SAMD5: variants seen among roughly 807,000 people sequenced by gnomAD.
SAMD5 encodes sterile alpha motif domain containing 5.
SAMD5 carries 13 observed loss-of-function variants against 11.3 expected under a neutral mutation model. That is an observed-to-expected ratio of 1.15 (90% CI 0.75 to 1.83). The LOEUF is 1.83. Ranked by LOEUF, SAMD5 falls within the 40% of genes most tolerant of loss-of-function variation. The probability of loss-of-function intolerance (pLI) is 0.00; values close to 1 mark genes in which losing one functional copy is unlikely to be tolerated. For synonymous variants in SAMD5, 129 were observed against 111.3 expected, an observed-to-expected ratio of 1.16 and a Z score of -1.00; for missense variants, 255 against 239.1, an observed-to-expected ratio of 1.07 and a Z score of -0.44.
chr6:147,582,325 AC>A (rs1162670616), intron 1 of SAMD5, among the ~76,000 whole-genome samples: 6 of 101,052 alleles, frequency 5.9e-5, no homozygotes, highest in African/African-American at 1.5e-4. Flanking sequence ...TGAGATCCGC[AC>A]CCCCCCACCA....
intron 1 of SAMD5, among the ~76,000 whole-genome samples, chr6:147,600,671 G>A (rs1789601254): frequency 6.6e-6 from 1 of 152,146 alleles, no homozygotes. Flanking sequence ...ATCATGGATT[G>A]TCACCCTTGA....
At chr6:147,577,208 T>C (rs987076680) in intron 1 of SAMD5, among the ~76,000 whole-genome samples, 15 of 152,346 alleles carry the variant, frequency 9.8e-5, no homozygotes, top group Admixed American at 9.8e-4. Context: ...TCTATACTTT[T>C]GTGAATCAAT....
At chr6:147,617,065 G>A (rs1333287724) in intron 1 of SAMD5, among the ~76,000 whole-genome samples, 6 of 152,126 alleles carry the variant, frequency 3.9e-5, no homozygotes, top group African/African-American at 1.4e-4. Context: ...TTTAATTATT[G>A]AGATCTAGTT....
chr6:147,638,583 G>T (rs188152053), intron 1 of SAMD5, among the ~76,000 whole-genome samples: 1 of 152,266 alleles, frequency 6.6e-6, no homozygotes. Context: ...AGCAGGACTT[G>T]CCCTCAGTTT....
the SAMD5 span, among the ~76,000 whole-genome samples, chr6:147,864,346 ATCT>A: frequency 6.6e-6 from 1 of 152,226 alleles, no homozygotes; most frequent in Non-Finnish European, 1.5e-5. Context: ...GGTTTCACAA[ATCT>A]TCTCCTGTTT....
chr6:147,515,959 A>G (rs890539810), intron 1 of SAMD5, among the ~76,000 whole-genome samples: 1 of 152,168 alleles, frequency 6.6e-6, no homozygotes, highest in East Asian at 1.9e-4. Context: ...CTCCTGTAGG[A>G]CATTTTAAAA....
At chr6:147,777,596 G>GT in the SAMD5 span, among the ~76,000 whole-genome samples, 137 of 152,278 alleles carry the variant, frequency 9.0e-4, 1 homozygote, top group East Asian at 0.023. Context: ...CATTCACAAT[G>GT]TTGTGTAACA....
chr6:147,649,888 C>A (rs1339170879), intron 1 of SAMD5, among the ~76,000 whole-genome samples: 1 of 151,718 alleles, frequency 6.6e-6, no homozygotes, highest in Non-Finnish European at 1.5e-5. Flanking sequence ...CTCCCCAGAA[C>A]TCTTGCTCTG....
intron 1 of SAMD5, among the ~76,000 whole-genome samples, chr6:147,601,375 A>T (rs1004662599): frequency 2.6e-5 from 4 of 151,856 alleles, no homozygotes; most frequent in Non-Finnish European, 1.5e-5. Context: ...CAACTATTTC[A>T]TTCAGATATT....
Position 147,707,994 on chromosome 6 carries a change from C to T in SAMD5, c.163-29323C>T, listed in dbSNP as rs969702972. ...CACAACTTACCATCTTTCTGGCCTCCGACTTTCCAAACCCAAATTTCCTCA... is the reference window on the plus strand; with the variant it reads ...CACAACTTACCATCTTTCTGGCCTCTGACTTTCCAAACCCAAATTTCCTCA... On this transcript the variant is annotated intron_variant, in intron 1 of 1. Transcript: ENST00000566741. 4.6e-5 allele frequency among the ~76,000 whole-genome samples: 7 copies of T among 152,162 alleles called. No individual in the cohort carries two copies. The East Asian group carries it at 7.7e-4, about 17-fold the overall frequency.
At chr6:147,744,436 G>A in the SAMD5 span, among the ~76,000 whole-genome samples, 1 of 152,104 alleles carries the variant, frequency 6.6e-6, no homozygotes. Context: ...AATTACTCTT[G>A]AGCTAAAGAA....
chr6:147,839,438 A>C, the SAMD5 span, among the ~76,000 whole-genome samples: 1 of 152,146 alleles, frequency 6.6e-6, no homozygotes, highest in African/African-American at 2.4e-5. Flanking sequence ...CAATTCAGAG[A>C]CTTGTCGATT....
the SAMD5 span, among the ~76,000 whole-genome samples, chr6:147,791,019 G>C: frequency 1.3e-5 from 2 of 152,116 alleles, no homozygotes; most frequent in African/African-American, 2.4e-5. Context: ...GATAGGCCGG[G>C]TGTGGTGGCT....
chr6:147,521,651 A>C (rs1788256899), intron 1 of SAMD5, among the ~76,000 whole-genome samples: 1 of 152,132 alleles, frequency 6.6e-6, no homozygotes, highest in African/African-American at 2.4e-5. Flanking sequence ...GAATCAATGA[A>C]GCAGTATGTA....
chr6:147,794,078 A>G, the SAMD5 span, among the ~76,000 whole-genome samples: 21 of 152,328 alleles, frequency 1.4e-4, no homozygotes, highest in Middle Eastern at 3.4e-3. Flanking sequence ...ATATTTGAGC[A>G]ATTGCAACAC....
At chr6:147,781,154 G>T in the SAMD5 span, among the ~76,000 whole-genome samples, 1 of 147,810 alleles carries the variant, frequency 6.8e-6, no homozygotes, top group African/African-American at 2.6e-5. Context: ...TTTGGTTTTG[G>T]ATTTGTTTTT....
the SAMD5 span, among the ~76,000 whole-genome samples, chr6:147,882,255 A>G: frequency 6.6e-6 from 1 of 152,218 alleles, no homozygotes; most frequent in Non-Finnish European, 1.5e-5. Flanking sequence ...ACATCCAAGA[A>G]TATATTTATT....
chr6:147,822,272 T>C, the SAMD5 span, among the ~76,000 whole-genome samples: 5 of 152,224 alleles, frequency 3.3e-5, no homozygotes, highest in African/African-American at 1.2e-4. Context: ...CTTCCAATTT[T>C]GAGTCTTACT....
chr6:147,704,596 G>A (rs913910105), intron 1 of SAMD5, among the ~76,000 whole-genome samples: 3 of 152,226 alleles, frequency 2.0e-5, no homozygotes, highest in Admixed American at 6.5e-5. Context: ...GGTGTGGAGT[G>A]GGAAAGATTG....
Sources: gnomAD v4.1 joint callset for allele counts (sites outside exome capture counted in the v4.1 genomes callset) on GRCh38, gnomAD v4.1.1 for gene constraint, MANE v1.5 for transcripts, NCBI Gene and HGNC (gene_info 2026-07-23, HGNC 2026-07-21) for gene names.